PHF2: variants seen among roughly 807,000 people sequenced by gnomAD.
The protein encoded by PHF2 is lysine-specific demethylase PHF2.
In PHF2, 27 loss-of-function variants were observed where a neutral mutation model predicts 120.5. The observed-to-expected ratio is 0.22, with a 90% CI of 0.17 to 0.31. PHF2 has a LOEUF of 0.31. Ranked by LOEUF, PHF2 falls within the 10% of genes least tolerant of loss-of-function variation. The pLI is 1.00. For missense variants in PHF2, 1,024 were observed against 1,434.8 expected (o/e 0.71, Z 4.63); for synonymous variants, 568 against 592.5 (o/e 0.96, Z 0.60).
chr9:93,657,199 C>T lies in PHF2; in HGVS notation c.1147+604C>T, dbSNP rs545498040. Among the ~76,000 whole-genome samples, 33 of 152,282 alleles carry T rather than the reference C, an allele frequency of 2.2e-4. No individual in the cohort carries two copies. In the South Asian group the frequency reaches 6.0e-3, roughly 28 times the overall value. On this transcript the variant is annotated intron_variant, in intron 9 of 21. Transcript: ENST00000359246. ...GTGAGGGAGCCTGCAGGAGAGTTTG[C>T]ATTTATGCGTGATTTCCTTTCTCGG...
At chr9:93,655,365 G>C (rs989318481) in intron 7 of PHF2, among the ~76,000 whole-genome samples, 6 of 149,644 alleles carry the variant, frequency 4.0e-5, no homozygotes, top group African/African-American at 1.5e-4. Context: ...TGTAATCTCT[G>C]GGTCCCTCCT....
intron 1 of PHF2, among the ~76,000 whole-genome samples, chr9:93,626,763 T>C (rs180983693): frequency 2.9e-3 from 441 of 152,360 alleles, no homozygotes; most frequent in African/African-American, 0.01. Flanking sequence ...GTATGTGGTG[T>C]GAGGTAGACA....
chr9:93,662,175 A>G (rs563654173), intron 12 of PHF2, among the ~76,000 whole-genome samples: 131 of 151,776 alleles, frequency 8.6e-4, no homozygotes, highest in Non-Finnish European at 1.5e-3. Context: ...GAATAGATGG[A>G]TGGATGAATG....
In PHF2 at chr9:93,593,205, T is replaced by C. The variant is rs115517271; in HGVS notation, c.98+16334T>C. ...CCTGGAGTTGTTGGGAGGGCCTCCT[T>C]TATTTCCATTTTCTATTCCAAAGCT... On this transcript the variant is annotated intron_variant, in intron 1 of 21. Transcript: ENST00000359246. 2.3e-3 allele frequency among the ~76,000 whole-genome samples: 345 copies of C among 151,790 alleles called. 2 individuals carry two copies. Among genetic ancestry groups the C allele is most frequent in the African/African-American group, 8.0e-3 (330 of 41,340 alleles).
At chr9:93,629,887 G>T in intron 1 of PHF2, 83 bp from the exon 2 acceptor site, 2 of 1,337,824 alleles carry the variant, frequency 1.5e-6, no homozygotes, top group East Asian at 2.3e-5. Context: ...AATGAGCAGG[G>T]ATTCTCCCTA....
intron 1 of PHF2, among the ~76,000 whole-genome samples, chr9:93,593,105 A>AAAAAAAAAAGG (rs1554790887): frequency 4.1e-5 from 5 of 122,716 alleles, no homozygotes; most frequent in African/African-American, 1.7e-4. Context: ...AAAAAAAAAA[A>AAAAAAAAAAGG]AAAAAAGAAA....
At chr9:93,587,610 G>A (rs767941252) in intron 1 of PHF2, among the ~76,000 whole-genome samples, 11 of 152,114 alleles carry the variant, frequency 7.2e-5, no homozygotes, top group Non-Finnish European at 1.3e-4. Context: ...GGTGAGGGAT[G>A]GAGGAGCTCT....
intron 1 of PHF2, among the ~76,000 whole-genome samples, chr9:93,599,755 G>A (rs1475637122): frequency 2.6e-5 from 4 of 152,236 alleles, no homozygotes; most frequent in African/African-American, 9.6e-5. Flanking sequence ...CAGCAAGGGG[G>A]ATTCGGAGCA....
At chr9:93,625,959 T>C (rs1420505009) in intron 1 of PHF2, among the ~76,000 whole-genome samples, 2 of 151,700 alleles carry the variant, frequency 1.3e-5, no homozygotes, top group Non-Finnish European at 2.9e-5. Flanking sequence ...AAAAAAAAAA[T>C]TGGCCGGGCG....
At position 93,656,912 on chromosome 9, in the gene PHF2, C is replaced by T. The variant is rs1449160776; in HGVS notation, c.1147+317C>T. 3.3e-5 allele frequency among the ~76,000 whole-genome samples: 5 copies of T among 152,184 alleles called. No homozygotes were observed. The highest frequency in any genetic ancestry group is 4.8e-5 in the African/African-American group (2 of 41,438). ...CCTGCTCCACCCTCCACACTTGCCT[C>T]CATTGGGAGGGTGGAGCCCTGGCTC... is the stretch of plus-strand genomic sequence containing the variant. On this transcript the variant is annotated intron_variant, in intron 9 of 21. Coordinates refer to ENST00000359246, the MANE Select transcript of PHF2 (RefSeq NM_005392.4). The surrounding 1 kb of genome is among the most constrained non-coding windows in gnomAD (Gnocchi z 4.1).
intron 15 of PHF2, 23 bp from the exon 16 acceptor site, chr9:93,665,967 A>G: frequency 6.2e-7 from 1 of 1,612,880 alleles, no homozygotes; most frequent in Non-Finnish European, 8.5e-7. Context: ...CTCCCGCTGG[A>G]CTGCCATCTG....
chr9:93,581,975 G>GT lies in PHF2; in HGVS notation c.98+5111dup, dbSNP rs547377857. Among the ~76,000 whole-genome samples, 689 of 152,268 alleles carry GT rather than the reference G, an allele frequency of 4.5e-3. 4 individuals carry two copies. The highest frequency in any genetic ancestry group is 0.015 in the African/African-American group (620 of 41,534). ...TGGGTAAAACAAAGTCCATCTCTTG[G>GT]TTTTTTTAAATAACAGATGGGCCTG... On this transcript the variant is annotated intron_variant, in intron 1 of 21. Coordinates refer to ENST00000359246, the MANE Select transcript of PHF2 (RefSeq NM_005392.4).
At chr9:93,607,025 T>A (rs1178844238) in intron 1 of PHF2, among the ~76,000 whole-genome samples, 1 of 152,258 alleles carries the variant, frequency 6.6e-6, no homozygotes, top group African/African-American at 2.4e-5. Flanking sequence ...TGGGCCTGTT[T>A]CTGGCTCTGT....
chr9:93,665,650 A>G (rs1402291584), intron 14 of PHF2, 36 bp from the exon 15 acceptor site: 3 of 1,605,530 alleles, frequency 1.9e-6, no homozygotes, highest in Admixed American at 1.7e-5. Flanking sequence ...CTGTGGGGCT[A>G]TGTGGATGCT....
chr9:93,640,322 TA>T (rs1826155567), intron 3 of PHF2, among the ~76,000 whole-genome samples: 4 of 152,154 alleles, frequency 2.6e-5, no homozygotes, highest in African/African-American at 9.7e-5. Context: ...ATATGCACAT[TA>T]GGCTGTTTGT....
chr9:93,604,482 T>TG (rs1007014451), intron 1 of PHF2, among the ~76,000 whole-genome samples: 34 of 151,296 alleles, frequency 2.2e-4, no homozygotes, highest in African/African-American at 8.0e-4. Flanking sequence ...TTTTTTTTTT[T>TG]GAGACAGAGT....
intron 1 of PHF2, among the ~76,000 whole-genome samples, chr9:93,627,768 T>C (rs770949824): frequency 1.7e-4 from 26 of 152,142 alleles, no homozygotes; most frequent in Non-Finnish European, 3.5e-4. Context: ...ACGTAGGATT[T>C]TTCATCATTG....
chr9:93,622,145 G>T (rs1313731597), intron 1 of PHF2, among the ~76,000 whole-genome samples: 1 of 152,180 alleles, frequency 6.6e-6, no homozygotes, highest in Non-Finnish European at 1.5e-5. Flanking sequence ...GGAGGGGTGA[G>T]GCCTGGGTGG....
At chr9:93,630,556 G>A (rs1482964121) in intron 2 of PHF2, among the ~76,000 whole-genome samples, 6 of 152,172 alleles carry the variant, frequency 3.9e-5, no homozygotes, top group Non-Finnish European at 8.8e-5. Flanking sequence ...AATCTTGGAG[G>A]GCCCTTGCCT....
Sources: allele counts gnomAD v4.1 joint callset (sites outside exome capture counted in the v4.1 genomes callset), GRCh38; gene constraint gnomAD v4.1.1; non-coding constraint Gnocchi (gnomAD v3.1); transcripts MANE v1.5; gene names NCBI Gene and HGNC (gene_info 2026-07-23, HGNC 2026-07-21).